The following NYAP2 variants were observed in gnomAD, a reference collection of about 807,000 sequenced individuals.
NYAP2 encodes the protein neuronal tyrosine-phosphorylated phosphoinositide-3-kinase adaptor 2, also known as neuronal tyrosine-phosphorylated phosphoinositide-3-kinase adapter 2.
In NYAP2, 23 loss-of-function variants were observed where a neutral mutation model predicts 50.4. That is an observed-to-expected ratio of 0.46 (90% CI 0.33 to 0.65). The LOEUF is 0.65. NYAP2 is among the 30% of genes least tolerant of loss of function. The pLI, the probability that NYAP2 is intolerant of heterozygous loss-of-function variation, is 0.02. For synonymous variants in NYAP2, 394 were observed against 365.2 expected, an observed-to-expected ratio of 1.08 and a Z score of -0.90; for missense variants, 885 against 861.0, an observed-to-expected ratio of 1.03 and a Z score of -0.35.
chr2:225,557,457 C>G (rs1049224219), intron 4 of NYAP2, among the ~76,000 whole-genome samples: 3 of 151,634 alleles, frequency 2.0e-5, no homozygotes, highest in Admixed American at 6.6e-5. Flanking sequence ...TATGTTTTTC[C>G]AGGACTACCA....
rs1381806687 is a variant in NYAP2, at chr2:225,523,302, A to G, written c.523+9630A>G. Among the ~76,000 whole-genome samples the G allele has an allele frequency of 3.3e-5, 5 of 151,702 alleles. No individual in the cohort carries two copies. In the East Asian group the frequency reaches 9.7e-4, roughly 29 times the overall value. On this transcript the variant is annotated intron_variant, in intron 4 of 6. Coordinates refer to ENST00000636099, the Ensembl canonical transcript of NYAP2. The stretch of plus-strand genomic sequence containing the variant: ...ATTATCCCTGTTCACTGATGATTTG[A>G]TCTCGTATCTAGAAAAACCTAAAGA...
rs1295207032 is a variant in NYAP2, at chr2:225,613,725, C to CT, written c.1619-13185dup. Among the ~76,000 whole-genome samples the CT allele has an allele frequency of 5.3e-5, 8 of 151,996 alleles. No individual in the cohort carries two copies. The South Asian group carries it at 1.2e-3, about 24-fold the overall frequency. On this transcript the variant is annotated intron_variant, in intron 5 of 6. Transcript: ENST00000636099. ...TCCAATAGTAACTAGAAGACATTAA[C>CT]TTTTTTTAATAATAGGCAGGGAAAA... is the stretch of plus-strand genomic sequence containing the variant.
chr2:225,418,632 A>C (rs1695164237), intron 3 of NYAP2, among the ~76,000 whole-genome samples: 1 of 152,186 alleles, frequency 6.6e-6, no homozygotes, highest in Non-Finnish European at 1.5e-5. Context: ...ATGTTTGGTG[A>C]GAAAAGTTTT....
chr2:225,460,803 G>T (rs926788655), intron 3 of NYAP2, among the ~76,000 whole-genome samples: 2 of 151,994 alleles, frequency 1.3e-5, no homozygotes, highest in African/African-American at 4.8e-5. Flanking sequence ...CTGAAAGAGA[G>T]GTTAGGTTAT....
chr2:225,654,281 GT>G (rs1231165608), downstream of NYAP2, among the ~76,000 whole-genome samples: 3 of 152,108 alleles, frequency 2.0e-5, no homozygotes, highest in African/African-American at 7.2e-5. Flanking sequence ...TTTTTAAGCA[GT>G]TTTCGCAACA....
the NYAP2 span, among the ~76,000 whole-genome samples, chr2:225,681,089 C>G: frequency 1.3e-5 from 2 of 152,084 alleles, no homozygotes; most frequent in Non-Finnish European, 2.9e-5. Flanking sequence ...TGCTTTTTTC[C>G]TTAAAAAATG....
intron 6 of NYAP2, among the ~76,000 whole-genome samples, chr2:225,630,769 T>C (rs1693297092): frequency 6.6e-6 from 1 of 152,230 alleles, no homozygotes; most frequent in Admixed American, 6.5e-5. Context: ...TCAGTTTACA[T>C]CATGGAACAC....
chr2:225,569,052 GGGGAAA>G (rs1417007771), intron 4 of NYAP2, among the ~76,000 whole-genome samples: 13 of 152,306 alleles, frequency 8.5e-5, no homozygotes, highest in Non-Finnish European at 1.6e-4. Context: ...CATAGGGGAA[GGGGAAA>G]TGGAAGAAAT....
chr2:225,615,485 A>G (rs1404379410), intron 5 of NYAP2, among the ~76,000 whole-genome samples: 1 of 152,204 alleles, frequency 6.6e-6, no homozygotes, highest in African/African-American at 2.4e-5. Flanking sequence ...GAGCTTTTAA[A>G]GGCCAGACAT....
rs560118629 is a variant in NYAP2, at chr2:225,597,466, G to A, written c.1618+14431G>A. ...TGATTCCATCTAAGTCACTGTGAAT[G>A]CCATTATTTCATTCCTTTTTATGGC... is the stretch of plus-strand genomic sequence containing the variant. On this transcript the variant is annotated intron_variant, in intron 5 of 6. Transcript: ENST00000636099. Among the ~76,000 whole-genome samples the A allele has an allele frequency of 6.5e-4, 82 of 125,684 alleles. 2 individuals carry two copies. Among genetic ancestry groups the A allele is most frequent in the Non-Finnish European group, 1.0e-3 (62 of 59,784 alleles). 82.5% of individuals were successfully genotyped at this position (125,684 alleles called of 152,430 possible). A position where few individuals can be genotyped will look rare whatever the true frequency, so the allele number is the denominator to read the frequency against.
chr2:225,545,749 C>T lies in NYAP2; in HGVS notation c.523+32077C>T, dbSNP rs189968607. On this transcript the variant is annotated intron_variant, in intron 4 of 6. Transcript: ENST00000636099. The stretch of plus-strand genomic sequence containing the variant: ...TTTTTCTGGATGGTCTTTCTCCTGT[C>T]GATATCTGTTGGTGTCTGGGGATTG... 3.5e-3 allele frequency among the ~76,000 whole-genome samples: 531 copies of T among 152,046 alleles called. 3 individuals are homozygous for T. Among genetic ancestry groups the T allele is most frequent in the Non-Finnish European group, 6.4e-3 (432 of 67,980 alleles).
At chr2:225,682,711 C>T in the NYAP2 span, among the ~76,000 whole-genome samples, 1 of 152,100 alleles carries the variant, frequency 6.6e-6, no homozygotes, top group Admixed American at 6.6e-5. Flanking sequence ...AAGTAGCAGG[C>T]ATGCTTCATC....
At chr2:225,643,074 A>C (rs1177732452) in intron 6 of NYAP2, among the ~76,000 whole-genome samples, 1 of 152,188 alleles carries the variant, frequency 6.6e-6, no homozygotes, top group Non-Finnish European at 1.5e-5. Context: ...ATTAATCAAG[A>C]GTATCTTTGA....
chr2:225,633,925 C>A (rs1465731853), intron 6 of NYAP2, among the ~76,000 whole-genome samples: 7 of 152,192 alleles, frequency 4.6e-5, no homozygotes, highest in Admixed American at 1.3e-4. Context: ...CAAGCGATGA[C>A]CATTAGGTGG....
chr2:225,670,325 T>G, the NYAP2 span, among the ~76,000 whole-genome samples: 196 of 152,042 alleles, frequency 1.3e-3, no homozygotes, highest in African/African-American at 4.5e-3. Flanking sequence ...CCCTGGAATG[T>G]TGTACGGGGA....
intron 5 of NYAP2, among the ~76,000 whole-genome samples, chr2:225,610,249 G>A (rs1350468177): frequency 6.6e-6 from 1 of 152,076 alleles, no homozygotes; most frequent in Non-Finnish European, 1.5e-5. Flanking sequence ...TCAAGATGTT[G>A]GCAGATTTGG....
intron 3 of NYAP2, among the ~76,000 whole-genome samples, chr2:225,420,433 T>C (rs900261139): frequency 5.3e-5 from 8 of 152,230 alleles, no homozygotes; most frequent in African/African-American, 9.6e-5. Flanking sequence ...TAAAATTTTT[T>C]TATAGTTTGA....
chr2:225,492,101 C>T (rs1303393621), intron 3 of NYAP2, among the ~76,000 whole-genome samples: 1 of 152,124 alleles, frequency 6.6e-6, no homozygotes, highest in Non-Finnish European at 1.5e-5. Flanking sequence ...TGTGCCCTTT[C>T]ACATGTTGGC....
intron 3 of NYAP2, among the ~76,000 whole-genome samples, chr2:225,490,584 A>G (rs2106170731): frequency 6.6e-6 from 1 of 152,264 alleles, no homozygotes; most frequent in East Asian, 1.9e-4. Context: ...TGGATGAGGG[A>G]AATGATAAGC....
Sources: allele counts gnomAD v4.1 joint callset (sites outside exome capture counted in the v4.1 genomes callset), GRCh38; gene constraint gnomAD v4.1.1; transcripts MANE v1.5; gene names NCBI Gene and HGNC (gene_info 2026-07-23, HGNC 2026-07-21).